The following PRKCSH variants were observed in gnomAD, a reference collection of about 807,000 sequenced individuals.
PRKCSH encodes glucosidase 2 subunit beta.
A neutral mutation model predicts 79.7 loss-of-function variants in PRKCSH; 42 were observed. The observed-to-expected ratio is 0.53, with a 90% CI of 0.41 to 0.68. PRKCSH has a LOEUF of 0.68. Ranked by LOEUF, PRKCSH falls within the 30% of genes least tolerant of loss-of-function variation. PRKCSH has a pLI of 0.00. For missense variants in PRKCSH, 686 were observed against 709.0 expected (o/e 0.97, Z 0.37); for synonymous variants, 325 against 288.2 (o/e 1.13, Z -1.29).
In PRKCSH at chr19:11,447,817, C is replaced by G; in HGVS notation, c.1126+28C>G. On this transcript the variant is annotated intron_variant, in intron 12 of 17. Coordinates refer to ENST00000677123, the MANE Select transcript of PRKCSH (RefSeq NM_001289104.2). This position sits in a 1 kb window ranked among gnomAD's most constrained non-coding sequence, Gnocchi z 5.6. Reference sequence around the variant, plus strand: ...GAGGGTGGGCGGGGGCCAGGCTCCTCGGGTGGGCCCAGCGTTTCCTGCCGT... The same window carrying G: ...GAGGGTGGGCGGGGGCCAGGCTCCTGGGGTGGGCCCAGCGTTTCCTGCCGT... The G allele has an allele frequency of 1.3e-6, 2 of 1,535,226 alleles. No homozygotes were observed. The highest frequency in any genetic ancestry group is 1.8e-6 in the Non-Finnish European group (2 of 1,139,536).
At position 11,447,391 on chromosome 19, in the gene PRKCSH, TG is replaced by T; in HGVS notation, c.850-45del. 6.3e-7 allele frequency: 1 copy of T among 1,583,260 alleles called. No homozygotes were observed. Among genetic ancestry groups the T allele is most frequent in the Non-Finnish European group, 8.7e-7 (1 of 1,154,454 alleles). ...GGGCTGTGGTGTGAGCCTGAGGGTG[TG>T]GGTGGACCCTGAGTCCACAACACCG... On this transcript the variant is annotated intron_variant, in intron 10 of 17. Transcript: ENST00000677123. This position sits in a 1 kb window ranked among gnomAD's most constrained non-coding sequence, Gnocchi z 5.6.
At position 11,447,755 on chromosome 19, in the gene PRKCSH, G is replaced by A. The variant is rs142347308; in HGVS notation, c.1092G>A (p.Pro364=). Residue 364 remains proline (P), a synonymous_variant, in exon 12 of 18, where the codon CCG becomes CCA. Coordinates refer to ENST00000677123, the MANE Select transcript of PRKCSH (RefSeq NM_001289104.2). This position sits in a 1 kb window ranked among gnomAD's most constrained non-coding sequence, Gnocchi z 5.6. The part of the protein sequence containing the change: ...PASPAEEDKM[P]PYDEQTQAFI... ...GCCCTGCTGAGGAAGACAAAATGCC[G>A]CCCTACGACGAGCAGACGCAGGCCT... 9.2e-4 allele frequency: 1,473 copies of A among 1,594,316 alleles called. 1 individual carries two copies. Among genetic ancestry groups the A allele is most frequent in the Non-Finnish European group, 1.2e-3 (1,370 of 1,171,314 alleles).
rs1337605307 is a variant in PRKCSH at position 11,448,371 on chromosome 19, C to CA, written c.1196+81dup. The CA allele has an allele frequency of 1.3e-6, 2 of 1,524,212 alleles. No homozygotes were observed. Among genetic ancestry groups the CA allele is most frequent in the African/African-American group, 2.7e-5 (2 of 72,944 alleles). The allele number at this position is 1,524,212 out of a possible 1,614,324, so 94.4% of individuals were successfully genotyped here. On this transcript the variant is annotated intron_variant, in intron 13 of 17. Transcript: ENST00000677123. This position sits in a 1 kb window ranked among gnomAD's most constrained non-coding sequence, Gnocchi z 4.4. The stretch of plus-strand genomic sequence containing the variant: ...CCCAGGGGAGCTGGTGATGGGGAAT[C>CA]ACTGAGGCAACCACAGGCTGGGCCT...
chr19:11,441,093 TGA>T, intron 5 of PRKCSH, 145 bp from the exon 6 acceptor site: 1 of 818,250 alleles, frequency 1.2e-6, no homozygotes, highest in Non-Finnish European at 2.2e-6. Flanking sequence ...ATGCTGATGT[TGA>T]GAGAACCTGG....
chr19:11,439,605 C>CT (rs758607686), intron 5 of PRKCSH, among the ~76,000 whole-genome samples: 1,471 of 68,838 alleles, frequency 0.021, 81 homozygotes, highest in Non-Finnish European at 0.027. Flanking sequence ...TTTTTCTTTT[C>CT]TTTTTTTTTT....
Position 11,447,673 on chromosome 19 carries a change from T to C in PRKCSH, c.1030-20T>C. 1 of 1,563,598 alleles carries C rather than the reference T, an allele frequency of 6.4e-7. No individual in the cohort carries two copies. Among genetic ancestry groups the C allele is most frequent in the Non-Finnish European group, 8.7e-7 (1 of 1,153,736 alleles). ...AGAGGGTGGGGGAAGGGCTACTCACTGACCCTGCCCCTGCCCCAGGAGGCC... is the reference window on the plus strand; with the variant it reads ...AGAGGGTGGGGGAAGGGCTACTCACCGACCCTGCCCCTGCCCCAGGAGGCC... On this transcript the variant is annotated intron_variant, in intron 11 of 17. Transcript: ENST00000677123. The surrounding 1 kb of genome is among the most constrained non-coding windows in gnomAD (Gnocchi z 5.6).
At chr19:11,437,784 C>T (rs1969845701) in intron 3 of PRKCSH, 92 bp from the exon 4 acceptor site, 3 of 1,048,186 alleles carry the variant, frequency 2.9e-6, no homozygotes, top group South Asian at 1.3e-5. Flanking sequence ...GTGCTGTGTG[C>T]AGTGTGGGTC....
chr19:11,438,314 C>T (rs1295350607), intron 5 of PRKCSH, among the ~76,000 whole-genome samples, 190 bp downstream of exon 5: 1 of 152,112 alleles, frequency 6.6e-6, no homozygotes, highest in Non-Finnish European at 1.5e-5. Flanking sequence ...CCCGATTCAA[C>T]AGATGGGGGA....
rs1970420202 is a variant in PRKCSH, at chr19:11,448,295, G to C, written c.1196+4G>C. Reference sequence around the variant, plus strand: ...AGGACATGGAGGAGTCCATCAGGTAGCGGGGGCTGAGGAGCGGGGACACCT... The same window carrying C: ...AGGACATGGAGGAGTCCATCAGGTACCGGGGGCTGAGGAGCGGGGACACCT... On this transcript the variant is annotated splice_donor_region_variant and intron_variant, in intron 13 of 17. Coordinates refer to ENST00000677123, the MANE Select transcript of PRKCSH (RefSeq NM_001289104.2). The surrounding 1 kb of genome is among the most constrained non-coding windows in gnomAD (Gnocchi z 4.4). The C allele has an allele frequency of 6.4e-7, 1 of 1,571,888 alleles. No individual in the cohort carries two copies. Among genetic ancestry groups the C allele is most frequent in the Non-Finnish European group, 8.6e-7 (1 of 1,158,222 alleles).
Position 11,449,193 on chromosome 19 carries a change from A to C in PRKCSH, c.1461+18A>C, listed in dbSNP as rs1970470435. On this transcript the variant is annotated intron_variant, in intron 16 of 17. Coordinates refer to ENST00000677123, the MANE Select transcript of PRKCSH (RefSeq NM_001289104.2). The surrounding 1 kb of genome is among the most constrained non-coding windows in gnomAD (Gnocchi z 6.4). Reference sequence around the variant, plus strand: ...CCACCACCGTGAGTGCCTGCAAGGCAGGGGAGCTGGGGCGGGGAGACCCAG... The same window carrying C: ...CCACCACCGTGAGTGCCTGCAAGGCCGGGGAGCTGGGGCGGGGAGACCCAG... 1.9e-6 allele frequency: 3 copies of C among 1,613,564 alleles called. No homozygotes were observed. Among genetic ancestry groups the C allele is most frequent in the Non-Finnish European group, 2.5e-6 (3 of 1,179,988 alleles).
At position 11,449,594 on chromosome 19, in the gene PRKCSH, G is replaced by C; in HGVS notation, c.*16+166G>C. ...GTCTCACTCTTTGGCCCAGGCTGGA[G>C]TGCAGTGATGCGACCTCAGCTGACT... On this transcript the variant is annotated intron_variant, in intron 17 of 17. Transcript: ENST00000677123. The surrounding 1 kb of genome is among the most constrained non-coding windows in gnomAD (Gnocchi z 6.4). 2 of 894,308 alleles carry C rather than the reference G, an allele frequency of 2.2e-6. No homozygotes were observed. Among genetic ancestry groups the C allele is most frequent in the Non-Finnish European group, 3.4e-6 (2 of 593,266 alleles). 55.4% of individuals were successfully genotyped at this position (894,308 alleles called of 1,614,324 possible). A position where few individuals can be genotyped will look rare whatever the true frequency, so the allele number is the denominator to read the frequency against.
chr19:11,441,292 C>T lies in PRKCSH; in HGVS notation c.403C>T (p.Arg135Cys), dbSNP rs1970049676. The T allele has an allele frequency of 2.5e-6, 4 of 1,614,058 alleles. No homozygotes were observed. The highest frequency in any genetic ancestry group is 1.3e-5 in the African/African-American group (1 of 75,028). ...ESLQQMAEVT[R>C]EGFRLKKILI... is the part of the protein sequence containing the mutation. ...CCTGCAGCAGATGGCCGAGGTCACC[C>T]GCGAAGGGTTCCGTCTGAAGAAGAT... The change falls in exon 6 of 18, where the codon CGC becomes TGC. Residue 135 changes from arginine to cysteine, a missense_variant. By Grantham distance (180) the Arg-to-Cys change is radical (BLOSUM62 -3). Coordinates refer to ENST00000677123, the MANE Select transcript of PRKCSH (RefSeq NM_001289104.2).
At position 11,438,075 on chromosome 19, in the gene PRKCSH, G is replaced by C; in HGVS notation, c.301G>C (p.Asp101His). 1 of 1,614,148 alleles carries C rather than the reference G, an allele frequency of 6.2e-7. No individual in the cohort carries two copies. Among genetic ancestry groups the C allele is most frequent in the Non-Finnish European group, 8.5e-7 (1 of 1,180,014 alleles). ...TTCTGCCTCTGCCACAGACTGCTGC[G>C]ATGGAACAGACGAGTACAACAGCGG... is the stretch of plus-strand genomic sequence containing the variant. Reference protein sequence around the residue: ...RVNDGVCDCCDGTDEYNSGVI... With the variant: ...RVNDGVCDCCHGTDEYNSGVI... Residue 101 changes from aspartate to histidine, a missense_variant, in exon 5 of 18, where the codon GAT (aspartate) becomes CAT (histidine). Coordinates refer to ENST00000677123, the MANE Select transcript of PRKCSH (RefSeq NM_001289104.2).
At chr19:11,446,037 A>G (rs190931064) in intron 8 of PRKCSH, among the ~76,000 whole-genome samples, 4 of 151,258 alleles carry the variant, frequency 2.6e-5, no homozygotes, top group Admixed American at 6.6e-5. Context: ...TAGAGAGGTC[A>G]TCGGACATTT....
In PRKCSH at chr19:11,447,319, T is replaced by G; in HGVS notation, c.850-120T>G. 1 of 1,318,084 alleles carries G rather than the reference T, an allele frequency of 7.6e-7. No individual in the cohort carries two copies. The highest frequency in any genetic ancestry group is 1.1e-6 in the Non-Finnish European group (1 of 943,412). 81.6% of individuals were successfully genotyped at this position (1,318,084 alleles called of 1,614,324 possible). On this transcript the variant is annotated intron_variant, in intron 10 of 17. Coordinates refer to ENST00000677123, the MANE Select transcript of PRKCSH (RefSeq NM_001289104.2). This position sits in a 1 kb window ranked among gnomAD's most constrained non-coding sequence, Gnocchi z 5.6. ...ACCCCCCGACCCCAGCTGTCGGTCCTCCCTGCAGGCCCCGCAGGAGGGGCA... is the reference window on the plus strand; with the variant it reads ...ACCCCCCGACCCCAGCTGTCGGTCCGCCCTGCAGGCCCCGCAGGAGGGGCA...
rs924711350 is a variant in PRKCSH at position 11,450,707 on chromosome 19, C to T, written c.*78C>T. The T allele has an allele frequency of 6.6e-6, 1 of 152,356 alleles. No individual in the cohort carries two copies. Among genetic ancestry groups the T allele is most frequent in the African/African-American group, 2.4e-5 (1 of 41,472 alleles). The allele number at this position is 152,356 out of a possible 1,614,324, so 9.4% of individuals were successfully genotyped here. A position where few individuals can be genotyped will look rare whatever the true frequency, so the allele number is the denominator to read the frequency against. Reference sequence around the variant, plus strand: ...CGTCCACCCGCCCCTCTGGGCCTGCCTGTGGCTCTGTTGCCCTCCTCTGTG... The same window carrying T: ...CGTCCACCCGCCCCTCTGGGCCTGCTTGTGGCTCTGTTGCCCTCCTCTGTG... On this transcript the variant is annotated 3_prime_UTR_variant, in exon 18 of 18. Transcript: ENST00000677123.
chr19:11,442,337 G>T, intron 6 of PRKCSH, 49 bp from the exon 7 acceptor site: 3 of 1,548,730 alleles, frequency 1.9e-6, no homozygotes, highest in South Asian at 2.4e-5. Flanking sequence ...AGTCAATGAG[G>T]AGGAGGCAGA....
At chr19:11,445,975 C>G (rs898306090) in intron 8 of PRKCSH, 2 of 551,744 alleles carry the variant, frequency 3.6e-6, no homozygotes, top group Non-Finnish European at 6.5e-6. Context: ...CAGATGGCAG[C>G]TTCAATGTGC....
At chr19:11,446,218 C>A in intron 8 of PRKCSH, 54 bp from the exon 9 acceptor site, 1 of 1,587,994 alleles carries the variant, frequency 6.3e-7, no homozygotes, top group Non-Finnish European at 8.6e-7. Flanking sequence ...GTGCCCCCAA[C>A]TGAGAGCCAC....
Sources: gnomAD v4.1 joint callset for allele counts (sites outside exome capture counted in the v4.1 genomes callset) on GRCh38, gnomAD v4.1.1 for gene constraint, Gnocchi (gnomAD v3.1) non-coding constraint, MANE v1.5 for transcripts, NCBI Gene and HGNC (gene_info 2026-07-23, HGNC 2026-07-21) for gene names.